The following AXDND1 variants were observed in gnomAD, a reference collection of about 807,000 sequenced individuals.
The protein encoded by AXDND1 is axonemal dynein light chain domain containing 1.
In AXDND1, 110 loss-of-function variants were observed where a neutral mutation model predicts 137.5. The observed-to-expected ratio is 0.80, with a 90% CI of 0.69 to 0.94. The LOEUF (loss-of-function observed/expected upper bound fraction) is 0.94. AXDND1 is among the 40% of genes least tolerant of loss of function. AXDND1 has a pLI of 0.00. For missense variants in AXDND1, 1,191 were observed against 1,169.8 expected (o/e 1.02, Z -0.26); for synonymous variants, 414 against 399.7 (o/e 1.04, Z -0.43).
rs1258958231 is a variant in AXDND1, at chr1:179,468,628, G to A, written c.1984G>A (p.Val662Met). 12 of 1,597,078 alleles carry A rather than the reference G, an allele frequency of 7.5e-6. No individual in the cohort carries two copies. Among genetic ancestry groups the A allele is most frequent in the Non-Finnish European group, 1.0e-5 (12 of 1,174,260 alleles). The change falls in exon 17 of 26, where the codon GTG becomes ATG. Residue 662 changes from valine (V) to methionine (M), a missense_variant. Coordinates refer to ENST00000367618, the MANE Select transcript of AXDND1 (RefSeq NM_144696.6). ...TGGTATTGTTCCACAGCACATAGAT[G>A]TGGATTCTGTTTCGTAAGTTCCCAT... ...LTGIVPQHID[V>M]DSVSVLQAYI... is the part of the protein sequence containing the mutation.
At chr1:179,525,608 T>C (rs558112495) in intron 22 of AXDND1, among the ~76,000 whole-genome samples, 161 bp downstream of exon 22, 6 of 152,266 alleles carry the variant, frequency 3.9e-5, no homozygotes, top group Admixed American at 1.3e-4. Flanking sequence ...ATGATCCTCC[T>C]GCCTCAGCCT....
chr1:179,472,552 T>C (rs58740446), intron 17 of AXDND1, among the ~76,000 whole-genome samples: 1 of 152,036 alleles, frequency 6.6e-6, no homozygotes, highest in Non-Finnish European at 1.5e-5. Context: ...TCCTTATTTA[T>C]CATCTGTGTA....
At chr1:179,474,356 G>T (rs1241045005) in intron 17 of AXDND1, among the ~76,000 whole-genome samples, 1 of 152,172 alleles carries the variant, frequency 6.6e-6, no homozygotes, top group East Asian at 1.9e-4. Context: ...ATTGGAACTG[G>T]ATAATGGGCA....
chr1:179,493,085 C>T, intron 20 of AXDND1, 134 bp downstream of exon 20: 2 of 552,172 alleles, frequency 3.6e-6, no homozygotes, highest in Non-Finnish European at 6.1e-6. Context: ...TATGCATATA[C>T]TCATAAAAAC....
At chr1:179,552,844 G>T (rs1236890224) in intron 25 of AXDND1, 2 of 679,618 alleles carry the variant, frequency 2.9e-6, no homozygotes, top group East Asian at 5.5e-5. Context: ...AAAGTAGGCA[G>T]ATCTCCAAGG....
chr1:179,440,003 T>C (rs1658763909), intron 15 of AXDND1, among the ~76,000 whole-genome samples: 2 of 152,260 alleles, frequency 1.3e-5, no homozygotes, highest in African/African-American at 4.8e-5. Context: ...TTTCCTCTTT[T>C]CCTCTAACAC....
At chr1:179,366,682 T>A (rs1667445702) in intron 2 of AXDND1, 76 bp downstream of exon 2, 3 of 1,240,606 alleles carry the variant, frequency 2.4e-6, no homozygotes, top group African/African-American at 1.5e-5. Context: ...ACCGGTTTTT[T>A]AAATCTGATA....
chr1:179,466,704 C>A (rs1663246085), intron 16 of AXDND1, among the ~76,000 whole-genome samples: 1 of 151,856 alleles, frequency 6.6e-6, no homozygotes, highest in African/African-American at 2.4e-5. Context: ...GTATTTTTGT[C>A]TTGGTTTTGA....
intron 18 of AXDND1, among the ~76,000 whole-genome samples, chr1:179,484,260 G>A (rs1665767035): frequency 6.6e-6 from 1 of 152,194 alleles, no homozygotes; most frequent in Non-Finnish European, 1.5e-5. Context: ...GGTACTCCCA[G>A]CTAGTGTGGA....
intron 18 of AXDND1, among the ~76,000 whole-genome samples, chr1:179,484,663 T>C (rs1033209977): frequency 3.9e-5 from 6 of 152,144 alleles, no homozygotes; most frequent in Non-Finnish European, 7.4e-5. Context: ...CATTTGCCAG[T>C]GTGCACTCAC....
intron 4 of AXDND1, among the ~76,000 whole-genome samples, chr1:179,374,990 TAAATA>T (rs1341199613): frequency 1.3e-5 from 2 of 150,950 alleles, no homozygotes; most frequent in Non-Finnish European, 3.0e-5. Flanking sequence ...AAAAAATAAA[TAAATA>T]AAATAAATTA....
intron 21 of AXDND1, among the ~76,000 whole-genome samples, chr1:179,515,810 C>T (rs1458244223): frequency 6.6e-6 from 1 of 152,018 alleles, no homozygotes; most frequent in Non-Finnish European, 1.5e-5. Context: ...TAAGAAATTG[C>T]AAGATACAGT....
intron 25 of AXDND1, among the ~76,000 whole-genome samples, chr1:179,537,213 C>T (rs890099828): frequency 6.6e-6 from 1 of 152,186 alleles, no homozygotes; most frequent in East Asian, 1.9e-4. Flanking sequence ...CTTTCTCTTG[C>T]CTGATTGCCC....
chr1:179,441,317 G>A (rs1658958916), intron 15 of AXDND1, among the ~76,000 whole-genome samples: 1 of 152,160 alleles, frequency 6.6e-6, no homozygotes, highest in African/African-American at 2.4e-5. Flanking sequence ...AAAATGTCCA[G>A]TTTTTCCACA....
At chr1:179,547,580 A>G (rs2125748958) in intron 25 of AXDND1, among the ~76,000 whole-genome samples, 1 of 152,300 alleles carries the variant, frequency 6.6e-6, no homozygotes, top group East Asian at 1.9e-4. Flanking sequence ...TTAAATGTCC[A>G]ATGAAAGGGC....
At chr1:179,528,289 C>T in intron 22 of AXDND1, 38 bp from the exon 23 acceptor site, 1 of 1,495,860 alleles carries the variant, frequency 6.7e-7, no homozygotes, top group Non-Finnish European at 9.3e-7. Flanking sequence ...GGGTGCTACA[C>T]CAGCTTGCTA....
At chr1:179,497,146 T>C (rs1667523446) in intron 20 of AXDND1, among the ~76,000 whole-genome samples, 1 of 152,132 alleles carries the variant, frequency 6.6e-6, no homozygotes, top group Non-Finnish European at 1.5e-5. Context: ...CCATGTACAA[T>C]TGAGAAGAAT....
intron 17 of AXDND1, among the ~76,000 whole-genome samples, chr1:179,478,051 G>A (rs916980368): frequency 6.6e-6 from 1 of 152,300 alleles, no homozygotes; most frequent in East Asian, 1.9e-4. Flanking sequence ...TTCAAGAGGT[G>A]GGTTCTCATG....
chr1:179,491,259 C>T (rs1020050505), intron 18 of AXDND1, among the ~76,000 whole-genome samples: 1 of 152,040 alleles, frequency 6.6e-6, no homozygotes, highest in Non-Finnish European at 1.5e-5. Context: ...TTGCAGTGAG[C>T]TATGATTATG....
Sources: allele counts gnomAD v4.1 joint callset (sites outside exome capture counted in the v4.1 genomes callset), GRCh38; gene constraint gnomAD v4.1.1; transcripts MANE v1.5; gene names NCBI Gene and HGNC (gene_info 2026-07-23, HGNC 2026-07-21).